Variants in JAZF1 observed in about 807,000 individuals in gnomAD.
JAZF1 encodes juxtaposed with another zinc finger protein 1.
In JAZF1, 8 loss-of-function variants were observed where a neutral mutation model predicts 26.4. The ratio of observed to expected loss-of-function variants is 0.30; its 90% CI spans 0.18 to 0.55. The LOEUF (loss-of-function observed/expected upper bound fraction) is 0.55, where lower values mean the gene tolerates loss of function less well. JAZF1 is among the 20% of genes least tolerant of loss of function. JAZF1 has a pLI of 0.94. For missense variants in JAZF1, 199 were observed against 322.0 expected, an observed-to-expected ratio of 0.62 and a Z score of 2.92; for synonymous variants, 126 against 122.3, an observed-to-expected ratio of 1.03 and a Z score of -0.20.
chr7:28,078,251 G>A (rs945286569), intron 1 of JAZF1, among the ~76,000 whole-genome samples: 2 of 152,108 alleles, frequency 1.3e-5, no homozygotes, highest in African/African-American at 4.8e-5. Context: ...GCACTGCATG[G>A]CATTTATCAG....
At chr7:27,984,857 G>C (rs1371612857) in intron 2 of JAZF1, among the ~76,000 whole-genome samples, 3 of 152,014 alleles carry the variant, frequency 2.0e-5, no homozygotes, top group African/African-American at 7.3e-5. Flanking sequence ...ATGACTACTG[G>C]GTACACAACA....
At chr7:28,159,686 A>G (rs1248553226) in intron 1 of JAZF1, among the ~76,000 whole-genome samples, 1 of 152,160 alleles carries the variant, frequency 6.6e-6, no homozygotes, top group Non-Finnish European at 1.5e-5. Context: ...AGGAGGCTGC[A>G]GCACTGGGAG....
In JAZF1 at chr7:27,946,245, G is replaced by A. The variant is rs79279768; in HGVS notation, c.188+45664C>T. Among the ~76,000 whole-genome samples, 1,349 of 152,244 alleles carry A rather than the reference G, an allele frequency of 8.9e-3. 21 individuals carry two copies. Among genetic ancestry groups the A allele is most frequent in the Middle Eastern group, 0.031 (9 of 294 alleles). Reference sequence around the variant, plus strand: ...AGGAACATCTGTATTTGGATATCCAGGAGATATGTTTAAATCTGTAGTAAA... The same window carrying A: ...AGGAACATCTGTATTTGGATATCCAAGAGATATGTTTAAATCTGTAGTAAA... On this transcript the variant is annotated intron_variant, in intron 2 of 4. Transcript: ENST00000283928.
chr7:28,145,798 G>A (rs947925520), intron 1 of JAZF1, among the ~76,000 whole-genome samples: 2 of 151,928 alleles, frequency 1.3e-5, no homozygotes, highest in African/African-American at 2.4e-5. Flanking sequence ...CCCCATTCCA[G>A]GACGCTGGCA....
intron 1 of JAZF1, among the ~76,000 whole-genome samples, chr7:28,151,166 C>T (rs374552185): frequency 2.7e-4 from 40 of 150,498 alleles, no homozygotes; most frequent in African/African-American, 8.6e-4. Flanking sequence ...TGCAGTGGTG[C>T]GATCTCAGCT....
intron 1 of JAZF1, among the ~76,000 whole-genome samples, chr7:28,109,850 G>C (rs911108658): frequency 5.9e-5 from 9 of 152,172 alleles, no homozygotes; most frequent in African/African-American, 2.2e-4. Flanking sequence ...CAACTGAAGA[G>C]AGAATCAGCC....
rs146168317 is a variant in JAZF1 at position 27,860,380 on chromosome 7, A to G, written c.386-19513T>C. ...CTGTATTTGGCTTCATTAGTATTCA[A>G]TGTTGCACTATGATGACACTGAGCC... On this transcript the variant is annotated intron_variant, in intron 3 of 4. Coordinates refer to ENST00000283928, the MANE Select transcript of JAZF1 (RefSeq NM_175061.4). Among the ~76,000 whole-genome samples the G allele has an allele frequency of 3.8e-3, 584 of 152,338 alleles. 2 individuals are homozygous for G. The highest frequency in any genetic ancestry group is 6.2e-3 in the Non-Finnish European group (422 of 68,032).
intron 1 of JAZF1, among the ~76,000 whole-genome samples, chr7:28,119,103 G>A (rs983651251): frequency 2.0e-5 from 3 of 152,118 alleles, no homozygotes; most frequent in African/African-American, 7.2e-5. Context: ...CCAAGAGGCA[G>A]TGGCCATGCT....
At position 28,009,555 on chromosome 7, in the gene JAZF1, C is replaced by G. The variant is rs567384658; in HGVS notation, c.116-17574G>C. 1.6e-3 allele frequency among the ~76,000 whole-genome samples: 247 copies of G among 151,754 alleles called. 1 individual carries two copies. The highest frequency in any genetic ancestry group is 5.7e-3 in the African/African-American group (237 of 41,382). On this transcript the variant is annotated intron_variant, in intron 1 of 4. Transcript: ENST00000283928. Reference sequence around the variant, plus strand: ...CTGGAGTGCAGTGGCACGATCTCGGCTCACTGCAACCTCCGCCTCCCAGGT... The same window carrying G: ...CTGGAGTGCAGTGGCACGATCTCGGGTCACTGCAACCTCCGCCTCCCAGGT...
At chr7:27,986,651 C>T (rs1463266262) in intron 2 of JAZF1, among the ~76,000 whole-genome samples, 4 of 135,764 alleles carry the variant, frequency 2.9e-5, no homozygotes, top group African/African-American at 1.1e-4. Flanking sequence ...CCCTCCCCCT[C>T]TCCCTCCCTC....
chr7:27,950,624 G>A (rs1299096756), intron 2 of JAZF1, among the ~76,000 whole-genome samples: 1 of 152,136 alleles, frequency 6.6e-6, no homozygotes, highest in Non-Finnish European at 1.5e-5. Context: ...GTCAAACACA[G>A]GTCTGGTACT....
At chr7:27,872,792 G>A (rs2128338198) in intron 3 of JAZF1, among the ~76,000 whole-genome samples, 4 of 152,046 alleles carry the variant, frequency 2.6e-5, no homozygotes, top group Admixed American at 2.6e-4. Context: ...CAGGCTGCTT[G>A]TAAAAAAGGT....
rs548047715 is a variant in JAZF1 at position 27,919,858 on chromosome 7, A to T, written c.189-24442T>A. ...ATCTAAATATCACTAATGACAATGT[A>T]TGTAGAGGCAAATTCAATCCTGGTT... On this transcript the variant is annotated intron_variant, in intron 2 of 4. Transcript: ENST00000283928. Among the ~76,000 whole-genome samples, 5 of 152,362 alleles carry T rather than the reference A, an allele frequency of 3.3e-5. No homozygotes were observed. In the East Asian group the frequency reaches 9.6e-4, roughly 29 times the overall value.
intron 1 of JAZF1, among the ~76,000 whole-genome samples, chr7:28,008,303 A>G (rs1782739191): frequency 6.6e-6 from 1 of 152,086 alleles, no homozygotes; most frequent in Non-Finnish European, 1.5e-5. Context: ...TGCAACGTCA[A>G]TCTCCTGGCT....
chr7:27,842,649 T>C (rs1782943852), intron 3 of JAZF1: 1 of 152,158 alleles, frequency 6.6e-6, no homozygotes. Context: ...CTTGGCCACG[T>C]TGCTTGGGGT....
At chr7:27,912,817 A>T (rs1583460726) in intron 2 of JAZF1, among the ~76,000 whole-genome samples, 1 of 152,144 alleles carries the variant, frequency 6.6e-6, no homozygotes. Flanking sequence ...GAAAGTGCAC[A>T]AACAGAAGGC....
chr7:28,034,034 C>T (rs550923136), intron 1 of JAZF1, among the ~76,000 whole-genome samples: 2 of 152,316 alleles, frequency 1.3e-5, no homozygotes, highest in African/African-American at 2.4e-5. Flanking sequence ...TGAATCATCA[C>T]ACCCAGCTGG....
intron 1 of JAZF1, among the ~76,000 whole-genome samples, chr7:28,014,240 G>C (rs1782845244): frequency 6.6e-6 from 1 of 152,204 alleles, no homozygotes; most frequent in Non-Finnish European, 1.5e-5. Context: ...TTTCCTAAGA[G>C]AGCACTGGCT....
chr7:28,129,296 ATACTT>A (rs1782752281), intron 1 of JAZF1, among the ~76,000 whole-genome samples: 1 of 152,144 alleles, frequency 6.6e-6, no homozygotes, highest in African/African-American at 2.4e-5. Flanking sequence ...AGCCTAGAAA[ATACTT>A]TAACATTATA....
Sources: allele counts gnomAD v4.1 joint callset (sites outside exome capture counted in the v4.1 genomes callset), GRCh38; gene constraint gnomAD v4.1.1; transcripts MANE v1.5; gene names NCBI Gene and HGNC (gene_info 2026-07-23, HGNC 2026-07-21).